The following PRCD variants were observed in gnomAD, a reference collection of about 807,000 sequenced individuals.
PRCD encodes photoreceptor disk component PRCD.
In PRCD, 12 loss-of-function variants were observed where a neutral mutation model predicts 10.1. The ratio of observed to expected loss-of-function variants is 1.18; its 90% CI spans 0.76 to 1.92. The LOEUF is 1.92. Ranked by LOEUF, PRCD falls within the 40% of genes most tolerant of loss-of-function variation. PRCD has a pLI of 0.00. For synonymous variants in PRCD, 31 were observed against 26.2 expected (o/e 1.18, Z -0.56); for missense variants, 61 against 72.2 (o/e 0.84, Z 0.56).
At chr17:76,547,811 C>T (rs111210925), downstream of PRCD, among the ~76,000 whole-genome samples, 44 of 148,994 alleles carry the variant, frequency 3.0e-4, 2 homozygotes, top group African/African-American at 1.1e-3. Context: ...CACAGAGACA[C>T]ACATTCACAC....
intron 3 of PRCD, 92 bp downstream of exon 3, chr17:76,542,725 C>G (rs2075006776): frequency 9.9e-6 from 8 of 811,858 alleles, no homozygotes; most frequent in African/African-American, 1.7e-5. Flanking sequence ...GGGAGGATAG[C>G]AGGCAGTGTT....
At position 76,540,508 on chromosome 17, in the gene PRCD, G is replaced by A. The variant is rs1462852138; in HGVS notation, c.78G>A (p.Glu26=). 11 of 1,613,638 alleles carry A rather than the reference G, an allele frequency of 6.8e-6. No individual in the cohort carries two copies. The East Asian group carries it at 1.8e-4, about 26-fold the overall frequency. The change falls in exon 2 of 5, where the codon GAG becomes GAA. Residue 26 remains glutamate, a synonymous_variant. Transcript: ENST00000592014. This position sits in a 1 kb window ranked among gnomAD's most constrained non-coding sequence, Gnocchi z 5.0. ...RRRFANRVQP[E]PSDVDGAARG... ...TCCCTACTCTTGCCTCCCACAGAGA[G>A]CCCAGCGACGTGGATGGGGCAGCTA... is the stretch of plus-strand genomic sequence containing the variant.
At position 76,531,610 on chromosome 17, in the gene PRCD, G is replaced by A. The variant is rs143488120; in HGVS notation, n.45+3777G>A. On this transcript the variant is annotated intron_variant and non_coding_transcript_variant, in intron 1 of 4. Transcript: ENST00000397633. This position sits in a 1 kb window ranked among gnomAD's most constrained non-coding sequence, Gnocchi z 7.4. The stretch of plus-strand genomic sequence containing the variant: ...GGCAGGCGTGCTTCCGCAGCTGGGG[G>A]CTCCGCTCCATCTCCAGGGGATCCT... The A allele has an allele frequency of 1.4e-5, 23 of 1,613,470 alleles. No homozygotes were observed. The African/African-American group carries it at 2.4e-4, about 17-fold the overall frequency.
intron 1 of PRCD, chr17:76,552,876 AAAAAAATATATATATATATAT>A (rs2075121151): frequency 1.6e-5 from 2 of 127,696 alleles, no homozygotes; most frequent in Admixed American, 1.5e-4. Context: ...AAAAAAAAAA[AAAAAAATATATATATATATAT>A]AAAAATATAT....
Position 76,531,123 on chromosome 17 carries a change from A to T in PRCD, n.45+3290A>T, listed in dbSNP as rs1416641665. 6.2e-7 allele frequency: 1 copy of T among 1,613,798 alleles called. No homozygotes were observed. Among genetic ancestry groups the T allele is most frequent in the East Asian group, 2.2e-5 (1 of 44,876 alleles). On this transcript the variant is annotated intron_variant and non_coding_transcript_variant, in intron 1 of 4. Transcript: ENST00000397633. The surrounding 1 kb of genome is among the most constrained non-coding windows in gnomAD (Gnocchi z 7.4). ...GGCAAATTCCTCGGCGACCACCTCC[A>T]GAATGACCCCAGAGAGGATCTGGGG... is the stretch of plus-strand genomic sequence containing the variant.
At position 76,530,446 on chromosome 17, in the gene PRCD, G is replaced by A. The variant is rs191964575; in HGVS notation, n.45+2613G>A. Among the ~76,000 whole-genome samples the A allele has an allele frequency of 2.0e-4, 30 of 152,292 alleles. No homozygotes were observed. The highest frequency in any genetic ancestry group is 1.2e-3 in the East Asian group (6 of 5,182). ...TGCCCCTGCTCGTGTGCGTGTGAGC[G>A]ACACCCATGTAGCTTCCTCGTGGGC... is the stretch of plus-strand genomic sequence containing the variant. On this transcript the variant is annotated intron_variant and non_coding_transcript_variant, in intron 1 of 4. Coordinates refer to the PRCD transcript ENST00000397633. This position sits in a 1 kb window ranked among gnomAD's most constrained non-coding sequence, Gnocchi z 6.1.
rs2143096359 is a variant in PRCD, at chr17:76,533,380, T to C, written n.45+5547T>C. 6.6e-6 allele frequency among the ~76,000 whole-genome samples: 1 copy of C among 152,254 alleles called. No homozygotes were observed. The highest frequency in any genetic ancestry group is 1.5e-5 in the Non-Finnish European group (1 of 68,012). ...GAGGGACAAATGTGAAAAACCCAAT[T>C]TGGACTTAAACAAGCATCTCAGACT... On this transcript the variant is annotated intron_variant and non_coding_transcript_variant, in intron 1 of 4. Coordinates refer to the PRCD transcript ENST00000397633. The surrounding 1 kb of genome is among the most constrained non-coding windows in gnomAD (Gnocchi z 4.5).
upstream of PRCD, chr17:76,538,439 A>G: frequency 2.2e-6 from 1 of 463,942 alleles, no homozygotes. Flanking sequence ...CAGCACCTCC[A>G]TGCCCTCGGT....
At chr17:76,549,725 A>C (rs973385250), downstream of PRCD, among the ~76,000 whole-genome samples, 2 of 152,250 alleles carry the variant, frequency 1.3e-5, no homozygotes, top group East Asian at 1.9e-4. Flanking sequence ...TAAAGATAGA[A>C]TAATACTCAG....
intron 4 of PRCD, chr17:76,543,365 G>A: frequency 2.9e-6 from 1 of 341,392 alleles, no homozygotes; most frequent in South Asian, 2.3e-5. Flanking sequence ...AGCAGCCCAG[G>A]CAAGAGGCAG....
chr17:76,527,678 G>A (rs752344620), upstream of PRCD: 20 of 453,852 alleles, frequency 4.4e-5, no homozygotes, highest in South Asian at 2.0e-4. Context: ...ATGTGGTCCC[G>A]CCGACCTGCT....
At chr17:76,541,186 C>T (rs1205772681) in intron 2 of PRCD, among the ~76,000 whole-genome samples, 4 of 152,170 alleles carry the variant, frequency 2.6e-5, no homozygotes, top group African/African-American at 4.8e-5. Flanking sequence ...TGACCAGTGT[C>T]GTTCGATGAT....
At chr17:76,535,823 C>T (rs759232441), upstream of PRCD, among the ~76,000 whole-genome samples, 12 of 152,178 alleles carry the variant, frequency 7.9e-5, no homozygotes, top group South Asian at 2.1e-4. Context: ...ATGATGTGGA[C>T]GGTGAGCACT....
chr17:76,543,828 C>G lies in PRCD; in HGVS notation c.*178C>G. On this transcript the variant is annotated 3_prime_UTR_variant, in exon 5 of 5. Coordinates refer to ENST00000592014, the MANE Select transcript of PRCD (RefSeq NM_001077620.3). ...TTCCCAGAGCTCATCCTGTCACTGG[C>G]TGCTCTGCTGAAATTATCAATAAGA... 1 of 471,094 alleles carries G rather than the reference C, an allele frequency of 2.1e-6. No homozygotes were observed. The highest frequency in any genetic ancestry group is 1.5e-5 in the South Asian group (1 of 64,556). 29.2% of individuals were successfully genotyped at this position (471,094 alleles called of 1,614,324 possible). A position where few individuals can be genotyped will look rare whatever the true frequency, so the allele number is the denominator to read the frequency against.
At chr17:76,549,345 C>G (rs936629429), downstream of PRCD, among the ~76,000 whole-genome samples, 1 of 152,212 alleles carries the variant, frequency 6.6e-6, no homozygotes, top group Admixed American at 6.5e-5. Context: ...GTTCGACATG[C>G]GGCTGGGCGC....
Position 76,531,406 on chromosome 17 carries a change from A to G in PRCD, n.45+3573A>G. On this transcript the variant is annotated intron_variant and non_coding_transcript_variant, in intron 1 of 4. Transcript: ENST00000397633. This position sits in a 1 kb window ranked among gnomAD's most constrained non-coding sequence, Gnocchi z 7.4. ...AGCCGTCGCAGAGCCTGCGAGCTGCAGATGGCCATGACGCGTGGGCGGTGG... is the reference window on the plus strand; with the variant it reads ...AGCCGTCGCAGAGCCTGCGAGCTGCGGATGGCCATGACGCGTGGGCGGTGG... 7 of 1,567,572 alleles carry G rather than the reference A, an allele frequency of 4.5e-6. No homozygotes were observed. The South Asian group carries it at 4.6e-5, about 10-fold the overall frequency.
In PRCD at chr17:76,540,451, A is replaced by G; in HGVS notation, c.75-54A>G. 6.3e-6 allele frequency: 10 copies of G among 1,587,240 alleles called. No homozygotes were observed. The highest frequency in any genetic ancestry group is 8.6e-6 in the Non-Finnish European group (10 of 1,156,288). ...ATGCGGCCTGGACCTGTGGAGGGAC[A>G]GTGAGGGGCTGGGCACAGCCATAGC... is the stretch of plus-strand genomic sequence containing the variant. On this transcript the variant is annotated intron_variant, in intron 1 of 4. Transcript: ENST00000592014. The surrounding 1 kb of genome is among the most constrained non-coding windows in gnomAD (Gnocchi z 5.0).
chr17:76,531,559 G>A lies in PRCD; in HGVS notation n.45+3726G>A, dbSNP rs148657053. The A allele has an allele frequency of 1.1e-5, 18 of 1,614,030 alleles. No homozygotes were observed. The highest frequency in any genetic ancestry group is 2.2e-5 in the East Asian group (1 of 44,902). On this transcript the variant is annotated intron_variant and non_coding_transcript_variant, in intron 1 of 4. Coordinates refer to the PRCD transcript ENST00000397633. This position sits in a 1 kb window ranked among gnomAD's most constrained non-coding sequence, Gnocchi z 7.4. ...TGTCGGGGTCATGCAGGTTCTCCAC[G>A]ACAGTGTTGAGGGCCCCCATGACTC... is the stretch of plus-strand genomic sequence containing the variant.
rs1304899256 is a variant in PRCD at position 76,530,042 on chromosome 17, A to G, written n.45+2209A>G. 5 of 985,234 alleles carry G rather than the reference A, an allele frequency of 5.1e-6. No individual in the cohort carries two copies. The highest frequency in any genetic ancestry group is 6.0e-6 in the Non-Finnish European group (5 of 829,910). The allele number at this position is 985,234 out of a possible 1,614,324, so 61.0% of individuals were successfully genotyped here. ...TGTGCCTGTGAACAGAAGGGCCGGCAGTCTTGGGGGCCCGTGCAGAGCCCG... is the reference window on the plus strand; with the variant it reads ...TGTGCCTGTGAACAGAAGGGCCGGCGGTCTTGGGGGCCCGTGCAGAGCCCG... On this transcript the variant is annotated intron_variant and non_coding_transcript_variant, in intron 1 of 4. Coordinates refer to the PRCD transcript ENST00000397633. The surrounding 1 kb of genome is among the most constrained non-coding windows in gnomAD (Gnocchi z 6.1).
Sources: gnomAD v4.1 joint callset for allele counts (sites outside exome capture counted in the v4.1 genomes callset) on GRCh38, gnomAD v4.1.1 for gene constraint, Gnocchi (gnomAD v3.1) non-coding constraint, MANE v1.5 for transcripts, NCBI Gene and HGNC (gene_info 2026-07-23, HGNC 2026-07-21) for gene names.